Variants in ZNF426 observed in about 807,000 individuals in gnomAD.
ZNF426 encodes CTC-543D15.7.
Under a neutral mutation model 24.0 loss-of-function variants are expected in ZNF426, and 23 were observed. That is an observed-to-expected ratio of 0.96 (90% CI 0.69 to 1.36). The LOEUF (loss-of-function observed/expected upper bound fraction) is 1.36, where lower values mean the gene tolerates loss of function less well. ZNF426 is among the 40% of genes most tolerant of loss of function. The pLI is 0.00. For synonymous variants in ZNF426, 272 were observed against 224.6 expected (o/e 1.21, Z -1.89); for missense variants, 646 against 658.4 (o/e 0.98, Z 0.21).
chr19:9,532,623 C>T (rs1368461863), intron 6 of ZNF426, among the ~76,000 whole-genome samples: 1 of 151,970 alleles, frequency 6.6e-6, no homozygotes, highest in Non-Finnish European at 1.5e-5. Flanking sequence ...ATTTTTGGAC[C>T]ATGGTTGAAT....
At chr19:9,536,144 T>C (rs1319479947) in intron 3 of ZNF426, 64 bp downstream of exon 3, 43 of 1,605,714 alleles carry the variant, frequency 2.7e-5, no homozygotes, top group Middle Eastern at 1.6e-4. Context: ...CCCAAACCAC[T>C]AGACCCTATA....
rs1218293309 is a variant in ZNF426 at position 9,528,662 on chromosome 19, G to A, written c.1383C>T (p.Thr461=). The change falls in exon 8 of 8, where the codon ACC becomes ACT. Residue 461 remains threonine (T), a synonymous_variant. Transcript: ENST00000253115. ...KECGKAFNYS[T]HLKIHMRIHT... is the part of the protein sequence containing the mutation. ...GGATTCGCATGTGAATTTTAAGGTGGGTGGAATAGTTAAAAGCCTTCCCAC... is the reference window on the plus strand; with the variant it reads ...GGATTCGCATGTGAATTTTAAGGTGAGTGGAATAGTTAAAAGCCTTCCCAC... The A allele has an allele frequency of 1.9e-6, 3 of 1,613,950 alleles. No individual in the cohort carries two copies. Among genetic ancestry groups the A allele is most frequent in the African/African-American group, 2.7e-5 (2 of 74,874 alleles).
rs777206207 is a variant in ZNF426 at position 9,535,235 on chromosome 19, T to C, written c.70A>G (p.Thr24Ala). The C allele has an allele frequency of 1.2e-5, 19 of 1,613,682 alleles. No homozygotes were observed. Among genetic ancestry groups the C allele is most frequent in the Admixed American group, 3.3e-5 (2 of 59,966 alleles). ...GDPVCLHEEK[T>A]PAGRIVADCL... Reference sequence around the variant, plus strand: ...TCAGCCACTATTCTTCCTGCTGGTGTCTTTTCTTCATGAAGGCAAACTGGG... The same window carrying C: ...TCAGCCACTATTCTTCCTGCTGGTGCCTTTTCTTCATGAAGGCAAACTGGG... The change falls in exon 4 of 8, where the codon ACA (threonine) becomes GCA (alanine). Residue 24 changes from threonine to alanine, a missense_variant. Coordinates refer to ENST00000253115, the MANE Select transcript of ZNF426 (RefSeq NM_024106.3).
chr19:9,529,030 T>G lies in ZNF426; in HGVS notation c.1015A>C (p.Lys339Gln). ...TGAGTGAAGGCTTTCCCACATTCCT[T>G]ACATACATAGGGTTTCTCTCCAGTG... ...THTGEKPYVCKECGKAFTQYS... is the reference protein window; with the variant it reads ...THTGEKPYVCQECGKAFTQYS... The change falls in exon 8 of 8, where the codon AAG (lysine) becomes CAG (glutamine). Residue 339 changes from lysine to glutamine, a missense_variant. By Grantham distance (53) the Lys-to-Gln change is moderately conservative. Transcript: ENST00000253115. 1 of 1,613,650 alleles carries G rather than the reference T, an allele frequency of 6.2e-7. No homozygotes were observed. The highest frequency in any genetic ancestry group is 2.2e-5 in the East Asian group (1 of 44,882).
intron 6 of ZNF426, among the ~76,000 whole-genome samples, chr19:9,531,465 A>C (rs985719280): frequency 1.3e-5 from 2 of 152,228 alleles, no homozygotes; most frequent in Non-Finnish European, 2.9e-5. Flanking sequence ...TTTCAAATTA[A>C]ACATGGCAAG....
At position 9,535,198 on chromosome 19, in the gene ZNF426, T is replaced by G; in HGVS notation, c.107A>C (p.Asp36Ala). Residue 36 changes from aspartate to alanine, a missense_variant, in exon 4 of 8, where the codon GAT (aspartate) becomes GCT (alanine). Physicochemically the swap from Asp to Ala is moderately radical, Grantham distance 126. Transcript: ENST00000253115. ...ACAGCTGCTTTTTACCTGATAACAA[T>G]CTGTTAGGCAGTCAGCCACTATTCT... ...AGRIVADCLTDCYQDSVTFDD... is the reference protein window; with the variant it reads ...AGRIVADCLTACYQDSVTFDD... 2 of 1,610,062 alleles carry G rather than the reference T, an allele frequency of 1.2e-6. No individual in the cohort carries two copies. Among genetic ancestry groups the G allele is most frequent in the Non-Finnish European group, 1.7e-6 (2 of 1,177,528 alleles).
Position 9,535,273 on chromosome 19 carries a change from T to C in ZNF426, c.32A>G (p.Tyr11Cys). 1 of 1,612,474 alleles carries C rather than the reference T, an allele frequency of 6.2e-7. No individual in the cohort carries two copies. Among genetic ancestry groups the C allele is most frequent in the East Asian group, 2.2e-5 (1 of 44,810 alleles). The change falls in exon 4 of 8, where the codon TAT becomes TGT. Residue 11 changes from tyrosine (Y) to cysteine (C), a missense_variant. Coordinates refer to ENST00000253115, the MANE Select transcript of ZNF426 (RefSeq NM_024106.3). MAAADLSHGH[Y>C]LSGDPVCLHE... ...AAGGCAAACTGGGTCCCCAGAAAGA[T>C]AATGTCCTGTAAGAAAATGAAGGCA...
In ZNF426 at chr19:9,532,871, C is replaced by T. The variant is rs540496556; in HGVS notation, c.299G>A (p.Arg100Lys). Residue 100 changes from arginine (R) to lysine (K), a missense_variant, in exon 6 of 8, where the codon AGG (arginine) becomes AAG (lysine). Transcript: ENST00000253115. Reference protein sequence around the residue: ...LISWLEQEESRTVQGGVLQGW... With the variant: ...LISWLEQEESKTVQGGVLQGW... ...TTGGAGAACTCCTCCCTGAACTGTC[C>T]TTGACTCTTCTTGTTCCAACCAAGA... 119 of 1,614,032 alleles carry T rather than the reference C, an allele frequency of 7.4e-5. 1 individual carries two copies. In the South Asian group the frequency reaches 1.3e-3, roughly 17 times the overall value.
chr19:9,533,461 GAAC>G (rs1389208095), intron 5 of ZNF426, among the ~76,000 whole-genome samples: 8 of 152,036 alleles, frequency 5.3e-5, no homozygotes, highest in Admixed American at 3.9e-4. Context: ...CTCAAAACAA[GAAC>G]AACAACAAAT....
chr19:9,537,336 T>C (rs1222884839), intron 2 of ZNF426, among the ~76,000 whole-genome samples: 5 of 151,996 alleles, frequency 3.3e-5, no homozygotes, highest in Non-Finnish European at 7.4e-5. Context: ...AAAACCACAG[T>C]TCTGGACTCC....
chr19:9,524,848 T>A lies in ZNF426; in HGVS notation c.*3532A>T, dbSNP rs2073775778. On this transcript the variant is annotated 3_prime_UTR_variant, in exon 8 of 8. Coordinates refer to ENST00000253115, the MANE Select transcript of ZNF426 (RefSeq NM_024106.3). ...ATACTACTTATATTCACAGGGTTTCTTTACCATGTGAGTTCATATACTTGA... is the reference window on the plus strand; with the variant it reads ...ATACTACTTATATTCACAGGGTTTCATTACCATGTGAGTTCATATACTTGA... The A allele has an allele frequency of 6.6e-6, 1 of 151,848 alleles. No individual in the cohort carries two copies. The highest frequency in any genetic ancestry group is 2.4e-5 in the African/African-American group (1 of 41,374). 9.4% of individuals were successfully genotyped at this position (151,848 alleles called of 1,614,324 possible).
Position 9,528,396 on chromosome 19 carries a change from T to C in ZNF426, c.1649A>G (p.His550Arg). The C allele has an allele frequency of 6.3e-7, 1 of 1,578,778 alleles. No individual in the cohort carries two copies. Among genetic ancestry groups the C allele is most frequent in the Non-Finnish European group, 8.6e-7 (1 of 1,164,630 alleles). ...AYSHPRSLRR[H>R]EQIH ...AGTTTCTCACTAGTGAATTTGTTCA[T>C]GTCTTCGAAGTGAACGGGGATGACT... Residue 550 changes from histidine (H) to arginine (R), a missense_variant, in exon 8 of 8, where the codon CAT becomes CGT. Coordinates refer to ENST00000253115, the MANE Select transcript of ZNF426 (RefSeq NM_024106.3).
chr19:9,534,478 T>C (rs1169144128), intron 4 of ZNF426, among the ~76,000 whole-genome samples: 1 of 152,212 alleles, frequency 6.6e-6, no homozygotes, highest in Non-Finnish European at 1.5e-5. Flanking sequence ...GTGCTGGGAT[T>C]ACAGGCATGA....
At position 9,531,711 on chromosome 19, in the gene ZNF426, A is replaced by C. The variant is rs574838841; in HGVS notation, c.326-644T>G. The stretch of plus-strand genomic sequence containing the variant: ...ATCTAAACAATTAACTTGGCCGGGC[A>C]CGGTGGCTCATGCCTTTAATCCCAG... On this transcript the variant is annotated intron_variant, in intron 6 of 7. Transcript: ENST00000253115. 5.9e-5 allele frequency among the ~76,000 whole-genome samples: 9 copies of C among 152,318 alleles called. No individual in the cohort carries two copies. In the East Asian group the frequency reaches 1.7e-3, roughly 29 times the overall value.
At chr19:9,530,908 T>A in intron 7 of ZNF426, 77 bp downstream of exon 7, 1 of 1,190,652 alleles carries the variant, frequency 8.4e-7, no homozygotes, top group Non-Finnish European at 1.2e-6. Flanking sequence ...TATCTCTTAT[T>A]TTTGCTGACT....
Position 9,528,852 on chromosome 19 carries a change from C to G in ZNF426, c.1193G>C (p.Gly398Ala), listed in dbSNP as rs2144765901. 6.2e-7 allele frequency: 1 copy of G among 1,614,138 alleles called. No individual in the cohort carries two copies. Among genetic ancestry groups the G allele is most frequent in the East Asian group, 2.2e-5 (1 of 44,882 alleles). The change falls in exon 8 of 8, where the codon GGG becomes GCG. Residue 398 changes from glycine (G) to alanine (A), a missense_variant. Physicochemically the swap from Gly to Ala is moderately conservative, Grantham distance 60. Coordinates refer to ENST00000253115, the MANE Select transcript of ZNF426 (RefSeq NM_024106.3). ...GEKPFVCVECGKAFAVSSNLS... is the reference protein window; with the variant it reads ...GEKPFVCVECAKAFAVSSNLS... ...ATTTGAGGAAACTGCAAAGGCTTTC[C>G]CACATTCAACACATACAAAAGGCTT...
chr19:9,530,855 TA>T (rs1317914435), intron 7 of ZNF426, 129 bp downstream of exon 7: 33 of 682,688 alleles, frequency 4.8e-5, no homozygotes, highest in Non-Finnish European at 8.2e-5. Flanking sequence ...GGAGCATCCC[TA>T]AATTCTTTGC....
Position 9,529,362 on chromosome 19 carries a change from T to C in ZNF426, c.683A>G (p.His228Arg). ...STQEKSFECSHCGKSFINESY... is the reference protein window; with the variant it reads ...STQEKSFECSRCGKSFINESY... Reference sequence around the variant, plus strand: ...CTCATTAATGAAGGATTTTCCACAGTGACTACATTCAAATGACTTTTCTTG... The same window carrying C: ...CTCATTAATGAAGGATTTTCCACAGCGACTACATTCAAATGACTTTTCTTG... Residue 228 changes from histidine to arginine, a missense_variant, in exon 8 of 8, where the codon CAC becomes CGC. Coordinates refer to ENST00000253115, the MANE Select transcript of ZNF426 (RefSeq NM_024106.3). The C allele has an allele frequency of 6.2e-7, 1 of 1,614,244 alleles. No individual in the cohort carries two copies. Among genetic ancestry groups the C allele is most frequent in the Non-Finnish European group, 8.5e-7 (1 of 1,180,042 alleles).
intron 3 of ZNF426, 139 bp downstream of exon 3, chr19:9,536,069 T>C (rs970800304): frequency 1.9e-6 from 2 of 1,031,382 alleles, no homozygotes; most frequent in Non-Finnish European, 2.9e-6. Flanking sequence ...AGAGCCTGAC[T>C]CACAAGACAG....
Sources: allele counts gnomAD v4.1 joint callset (sites outside exome capture counted in the v4.1 genomes callset), GRCh38; gene constraint gnomAD v4.1.1; transcripts MANE v1.5; gene names NCBI Gene and HGNC (gene_info 2026-07-23, HGNC 2026-07-21).